Variants in YWHAZ observed in about 807,000 individuals in gnomAD.
The protein encoded by YWHAZ is tyrosine 3-monooxygenase/tryptophan 5-monooxygenase activation protein zeta, also known as 14-3-3 protein zeta/delta.
For missense variants in YWHAZ, 79 were observed against 284.8 expected, an observed-to-expected ratio of 0.28 and a Z score of 5.20; for synonymous variants, 87 against 103.6, an observed-to-expected ratio of 0.84 and a Z score of 0.97.
At chr8:100,936,588 G>A (rs1178748569) in intron 2 of YWHAZ, among the ~76,000 whole-genome samples, 1 of 152,120 alleles carries the variant, frequency 6.6e-6, no homozygotes, top group Non-Finnish European at 1.5e-5. Flanking sequence ...ATCACTTGAG[G>A]TCAGGAGTTT....
At chr8:100,941,692 G>A in intron 2 of YWHAZ, among the ~76,000 whole-genome samples, 1 of 152,054 alleles carries the variant, frequency 6.6e-6, no homozygotes. Flanking sequence ...GGCTGAGGAG[G>A]GAGAATCGCT....
At position 100,950,087 on chromosome 8, in the gene YWHAZ, GA is replaced by G. The variant is rs1410223408; in HGVS notation, c.-11-1188del. ...ACAATATTTTTTTAACCAAATGAGAGAACAGGTCGCCACATTTTAAACAAAT... is the reference window on the plus strand; with the variant it reads ...ACAATATTTTTTTAACCAAATGAGAGACAGGTCGCCACATTTTAAACAAAT... On this transcript the variant is annotated intron_variant, in intron 1 of 5. Coordinates refer to ENST00000395958, the MANE Select transcript of YWHAZ (RefSeq NM_145690.3). Among the ~76,000 whole-genome samples the G allele has an allele frequency of 2.0e-5, 3 of 152,288 alleles. No homozygotes were observed. In the East Asian group the frequency reaches 5.8e-4, roughly 29 times the overall value.
intron 5 of YWHAZ, chr8:100,923,329 C>G (rs1480395088): frequency 4.6e-5 from 7 of 152,018 alleles, no homozygotes; most frequent in Admixed American, 1.3e-4. Flanking sequence ...ACGAGACATA[C>G]AAATCAACTG....
chr8:100,949,599 T>A (rs1810557317), intron 1 of YWHAZ, among the ~76,000 whole-genome samples: 1 of 152,218 alleles, frequency 6.6e-6, no homozygotes, highest in Admixed American at 6.5e-5. Context: ...TATGTCCACA[T>A]GCTTTAAAAA....
intron 2 of YWHAZ, among the ~76,000 whole-genome samples, chr8:100,929,052 A>G (rs1813574264): frequency 1.3e-5 from 2 of 152,242 alleles, no homozygotes; most frequent in Non-Finnish European, 2.9e-5. Flanking sequence ...GAGGAGATTC[A>G]TAAAGAAGAT....
chr8:100,943,386 CA>C (rs1198923459), intron 2 of YWHAZ, among the ~76,000 whole-genome samples: 4 of 152,180 alleles, frequency 2.6e-5, no homozygotes, highest in African/African-American at 9.7e-5. Flanking sequence ...TACTTGATAT[CA>C]GAACACCTGT....
At chr8:100,949,096 G>C (rs975320643) in intron 1 of YWHAZ, among the ~76,000 whole-genome samples, 196 bp from the exon 2 acceptor site, 2 of 152,140 alleles carry the variant, frequency 1.3e-5, no homozygotes, top group Non-Finnish European at 2.9e-5. Flanking sequence ...CTCAGCATCA[G>C]AGGTAAACTT....
intron 2 of YWHAZ, among the ~76,000 whole-genome samples, chr8:100,934,281 G>A (rs1289213595): frequency 5.3e-5 from 8 of 150,636 alleles, no homozygotes; most frequent in Non-Finnish European, 5.9e-5. Flanking sequence ...TGCAGTGAGT[G>A]CACCACTGCA....
At chr8:100,947,670 T>C (rs1810404895) in intron 2 of YWHAZ, among the ~76,000 whole-genome samples, 1 of 152,208 alleles carries the variant, frequency 6.6e-6, no homozygotes. Context: ...ATAGCACTTC[T>C]TCCATAAACA....
chr8:100,947,130 T>C (rs1286036580), intron 2 of YWHAZ, among the ~76,000 whole-genome samples: 1 of 151,234 alleles, frequency 6.6e-6, no homozygotes, highest in Non-Finnish European at 1.5e-5. Context: ...GGCAGGCGCC[T>C]GTAGTCTCAG....
chr8:100,932,637 T>C (rs1813836017), intron 2 of YWHAZ, among the ~76,000 whole-genome samples: 1 of 152,214 alleles, frequency 6.6e-6, no homozygotes, highest in African/African-American at 2.4e-5. Flanking sequence ...GCTCAATTCA[T>C]TTAAGATATT....
intron 2 of YWHAZ, among the ~76,000 whole-genome samples, chr8:100,941,503 G>A (rs1809853443): frequency 6.6e-6 from 1 of 152,192 alleles, no homozygotes; most frequent in South Asian, 2.1e-4. Flanking sequence ...AACATTTCTA[G>A]GCCGGGTATG....
chr8:100,917,372 A>G lies in YWHAZ; in HGVS notation c.*3321T>C, dbSNP rs1245771866. 2.0e-5 allele frequency: 3 copies of G among 152,250 alleles called. No homozygotes were observed. Among genetic ancestry groups the G allele is most frequent in the Non-Finnish European group, 4.4e-5 (3 of 68,084 alleles). 9.4% of individuals were successfully genotyped at this position (152,250 alleles called of 1,614,324 possible). On this transcript the variant is annotated 3_prime_UTR_variant, in exon 6 of 6. Transcript: ENST00000395958. ...TGCAGGAAAGCCCATCGTTTTTACTAATCACACTGCTGCTCCACTTTCTGA... is the reference window on the plus strand; with the variant it reads ...TGCAGGAAAGCCCATCGTTTTTACTGATCACACTGCTGCTCCACTTTCTGA...
intron 2 of YWHAZ, chr8:100,932,226 G>A (rs573042325): frequency 6.6e-6 from 1 of 152,218 alleles, no homozygotes; most frequent in African/African-American, 2.4e-5. Flanking sequence ...CATCCTTTTG[G>A]AAGGTGAAAG....
chr8:100,934,010 GA>G (rs1813943235), intron 2 of YWHAZ, among the ~76,000 whole-genome samples: 1 of 151,490 alleles, frequency 6.6e-6, no homozygotes, highest in African/African-American at 2.4e-5. Context: ...TACAAAAAAT[GA>G]GGTGGGCATG....
At position 100,919,954 on chromosome 8, in the gene YWHAZ, T is replaced by C. The variant is rs535786363; in HGVS notation, c.*739A>G. ...GTTTTACTGCTGTGCTTGATATACA[T>C]GAAGTAATGAATACCAAGCAATTCA... On this transcript the variant is annotated 3_prime_UTR_variant, in exon 6 of 6. Transcript: ENST00000395958. The C allele has an allele frequency of 2.0e-5, 3 of 152,736 alleles. No homozygotes were observed. Among genetic ancestry groups the C allele is most frequent in the African/African-American group, 4.8e-5 (2 of 41,566 alleles). 9.5% of individuals were successfully genotyped at this position (152,736 alleles called of 1,614,324 possible). A position where few individuals can be genotyped will look rare whatever the true frequency, so the allele number is the denominator to read the frequency against.
In YWHAZ at chr8:100,924,527, T is replaced by C. The variant is rs1428936669; in HGVS notation, c.419-229A>G. Among the ~76,000 whole-genome samples the C allele has an allele frequency of 6.6e-6, 1 of 152,172 alleles. No individual in the cohort carries two copies. The highest frequency in any genetic ancestry group is 1.5e-5 in the Non-Finnish European group (1 of 68,034). On this transcript the variant is annotated intron_variant, in intron 3 of 5. Coordinates refer to ENST00000395958, the MANE Select transcript of YWHAZ (RefSeq NM_145690.3). This position sits in a 1 kb window ranked among gnomAD's most constrained non-coding sequence, Gnocchi z 5.7. ...CAACTTTATAATCTCATTATTGTTATGTTTTTAAAAAATTGACGAGTTTTG... is the reference window on the plus strand; with the variant it reads ...CAACTTTATAATCTCATTATTGTTACGTTTTTAAAAAATTGACGAGTTTTG...
At chr8:100,944,283 G>A (rs1810101755) in intron 2 of YWHAZ, among the ~76,000 whole-genome samples, 1 of 152,086 alleles carries the variant, frequency 6.6e-6, no homozygotes, top group South Asian at 2.1e-4. Flanking sequence ...GACTAAAACG[G>A]ACCCAAAGCC....
chr8:100,948,106 CA>C lies in YWHAZ; in HGVS notation c.294+489del. On this transcript the variant is annotated intron_variant, in intron 2 of 5. Coordinates refer to ENST00000395958, the MANE Select transcript of YWHAZ (RefSeq NM_145690.3). The surrounding 1 kb of genome is among the most constrained non-coding windows in gnomAD (Gnocchi z 4.2). ...AAGAATTCAATGCAGGAAGAGGTTT[CA>C]TAGTTGTGACGCCAGAGTTTTCTGC... 6.5e-7 allele frequency: 1 copy of C among 1,534,938 alleles called. No individual in the cohort carries two copies.
Sources: gnomAD v4.1 joint callset for allele counts (sites outside exome capture counted in the v4.1 genomes callset) on GRCh38, gnomAD v4.1.1 for gene constraint, Gnocchi (gnomAD v3.1) non-coding constraint, MANE v1.5 for transcripts, NCBI Gene and HGNC (gene_info 2026-07-23, HGNC 2026-07-21) for gene names.